The following GAB2 variants were observed in gnomAD, a reference collection of about 807,000 sequenced individuals.
The protein encoded by GAB2 is GRB2-associated-binding protein 2.
A neutral mutation model predicts 65.5 loss-of-function variants in GAB2; 26 were observed. The observed-to-expected ratio is 0.40, with a 90% CI of 0.29 to 0.55. The LOEUF is 0.55. Ranked by LOEUF, GAB2 falls within the 20% of genes least tolerant of loss-of-function variation. The probability of loss-of-function intolerance (pLI) is 0.53; values close to 1 mark genes in which losing one functional copy is unlikely to be tolerated. For synonymous variants in GAB2, 321 were observed against 329.6 expected, an observed-to-expected ratio of 0.97 and a Z score of 0.28; for missense variants, 884 against 875.8, an observed-to-expected ratio of 1.01 and a Z score of -0.12.
chr11:78,309,581 C>A (rs1346497078), intron 1 of GAB2, among the ~76,000 whole-genome samples: 3 of 151,918 alleles, frequency 2.0e-5, no homozygotes, highest in Non-Finnish European at 4.4e-5. Context: ...AGGGGATCCT[C>A]CCACCTCAGC....
At chr11:78,327,537 T>A (rs767050883) in intron 1 of GAB2, among the ~76,000 whole-genome samples, 1 of 152,032 alleles carries the variant, frequency 6.6e-6, no homozygotes, top group Non-Finnish European at 1.5e-5. Context: ...TGCACAGAGG[T>A]AGCAATATTC....
At chr11:78,341,897 C>G (rs1856102907) in intron 1 of GAB2, 10 of 985,804 alleles carry the variant, frequency 1.0e-5, no homozygotes, top group Middle Eastern at 5.2e-4. Flanking sequence ...AAGTTATCAT[C>G]TGAATGGCTA....
In GAB2 at chr11:78,225,063, C is replaced by T. The variant is rs190331807; in HGVS notation, c.1302+45G>A. The T allele has an allele frequency of 2.5e-4, 307 of 1,248,516 alleles. No homozygotes were observed. The African/African-American group carries it at 4.1e-3, about 17-fold the overall frequency. 77.3% of individuals were successfully genotyped at this position (1,248,516 alleles called of 1,614,324 possible). On this transcript the variant is annotated intron_variant, in intron 5 of 9. Transcript: ENST00000361507. ...TAATTCCATAAGGTGTGACCTTTTACCTAACCAGGCCGGCCTGAGGACCCT... is the reference window on the plus strand; with the variant it reads ...TAATTCCATAAGGTGTGACCTTTTATCTAACCAGGCCGGCCTGAGGACCCT...
chr11:78,245,992 C>A, intron 3 of GAB2, among the ~76,000 whole-genome samples: 1 of 149,346 alleles, frequency 6.7e-6, no homozygotes, highest in East Asian at 2.0e-4. Context: ...CTCGCCCAGG[C>A]TGGAGTGCAA....
At chr11:78,234,891 T>C (rs1012891160) in intron 3 of GAB2, among the ~76,000 whole-genome samples, 2 of 151,916 alleles carry the variant, frequency 1.3e-5, no homozygotes, top group South Asian at 2.1e-4. Context: ...GCGCCTGTAA[T>C]CCCAGCTACT....
At chr11:78,245,516 A>C (rs568627614) in intron 3 of GAB2, among the ~76,000 whole-genome samples, 83 of 152,324 alleles carry the variant, frequency 5.4e-4, no homozygotes, top group African/African-American at 1.9e-3. Context: ...TGAAATTAAG[A>C]AATTTCCAGA....
At chr11:78,356,796 T>C (rs1856365170) in intron 1 of GAB2, among the ~76,000 whole-genome samples, 1 of 152,232 alleles carries the variant, frequency 6.6e-6, no homozygotes, top group African/African-American at 2.4e-5. Context: ...GGTTTATAGA[T>C]ACAATGGAAT....
At chr11:78,304,368 C>G (rs186426262) in intron 1 of GAB2, among the ~76,000 whole-genome samples, 5 of 152,290 alleles carry the variant, frequency 3.3e-5, no homozygotes, top group Admixed American at 1.3e-4. Context: ...TCCATCTTCC[C>G]CTTCTTCCAT....
intron 1 of GAB2, among the ~76,000 whole-genome samples, chr11:78,384,671 T>C (rs1856743193): frequency 6.6e-6 from 1 of 152,148 alleles, no homozygotes. Context: ...GGAACAACAG[T>C]GGCCCCAGGC....
At chr11:78,341,429 T>C (rs1381368225) in intron 1 of GAB2, among the ~76,000 whole-genome samples, 6 of 152,208 alleles carry the variant, frequency 3.9e-5, no homozygotes, top group African/African-American at 7.2e-5. Flanking sequence ...TCATTGCCTT[T>C]AGATGTGCTG....
intron 1 of GAB2, among the ~76,000 whole-genome samples, chr11:78,330,443 C>T (rs1591043584): frequency 6.6e-6 from 1 of 152,236 alleles, no homozygotes; most frequent in East Asian, 1.9e-4. Flanking sequence ...AATGTTGAAC[C>T]TTACTTTGGG....
chr11:78,383,038 C>T (rs1449964298), intron 1 of GAB2, among the ~76,000 whole-genome samples: 2 of 151,288 alleles, frequency 1.3e-5, no homozygotes, highest in African/African-American at 4.9e-5. Context: ...TTTGGGAGGC[C>T]AAGGCAGGTG....
chr11:78,270,851 CTG>C (rs1221043041), intron 2 of GAB2, among the ~76,000 whole-genome samples: 1 of 152,230 alleles, frequency 6.6e-6, no homozygotes, highest in Non-Finnish European at 1.5e-5. Context: ...CCCAACAACG[CTG>C]TGAGGAGCAT....
chr11:78,266,098 C>G (rs907206927), intron 2 of GAB2, among the ~76,000 whole-genome samples: 2 of 150,194 alleles, frequency 1.3e-5, no homozygotes, highest in Non-Finnish European at 2.9e-5. Flanking sequence ...GCTTGTAATC[C>G]CAGCTACTTG....
chr11:78,226,988 T>C lies in GAB2; in HGVS notation c.684A>G (p.Gln228=), dbSNP rs539793106. 1 of 1,613,886 alleles carries C rather than the reference T, an allele frequency of 6.2e-7. No individual in the cohort carries two copies. Among genetic ancestry groups the C allele is most frequent in the East Asian group, 2.2e-5 (1 of 44,880 alleles). The part of the protein sequence containing the change: ...SFLMRSDTAV[Q]KLAQGNGHCV... Reference sequence around the variant, plus strand: ...AGTGTCCATTGCCCTGGGCAAGTTTTTGTACAGCTGTGTCACTCCTCATGA... The same window carrying C: ...AGTGTCCATTGCCCTGGGCAAGTTTCTGTACAGCTGTGTCACTCCTCATGA... The change falls in exon 4 of 10, where the codon CAA becomes CAG. Residue 228 remains glutamine, a synonymous_variant. Transcript: ENST00000361507.
In GAB2 at chr11:78,217,543, G is replaced by C. The variant is rs1186049646; in HGVS notation, c.*1729C>G. ...CCATCAAACATGGCAGGAAGTCATTGTTTGGGAGGAAGAAGTTCTGTTCGC... is the reference window on the plus strand; with the variant it reads ...CCATCAAACATGGCAGGAAGTCATTCTTTGGGAGGAAGAAGTTCTGTTCGC... On this transcript the variant is annotated 3_prime_UTR_variant, in exon 10 of 10. Transcript: ENST00000361507. 2 of 152,220 alleles carry C rather than the reference G, an allele frequency of 1.3e-5. No individual in the cohort carries two copies. Among genetic ancestry groups the C allele is most frequent in the Middle Eastern group, 3.1e-3 (1 of 318 alleles). 9.4% of individuals were successfully genotyped at this position (152,220 alleles called of 1,614,324 possible).
chr11:78,373,703 A>T (rs116111032), intron 1 of GAB2, among the ~76,000 whole-genome samples: 2,427 of 152,334 alleles, frequency 0.016, 61 homozygotes, highest in African/African-American at 0.055. Context: ...CTTAGAATAG[A>T]ACCTGGCATG....
At chr11:78,417,083 G>A (rs937590078) in intron 1 of GAB2, among the ~76,000 whole-genome samples, 1 of 152,338 alleles carries the variant, frequency 6.6e-6, no homozygotes, top group Non-Finnish European at 1.5e-5. Flanking sequence ...AAACAAATGA[G>A]TCACTTAATA....
chr11:78,242,318 C>A (rs111543758), intron 3 of GAB2, among the ~76,000 whole-genome samples: 4 of 151,840 alleles, frequency 2.6e-5, no homozygotes, highest in Non-Finnish European at 5.9e-5. Flanking sequence ...CTGGCTAACA[C>A]GGTGAAACCC....
Sources: gnomAD v4.1 joint callset for allele counts (sites outside exome capture counted in the v4.1 genomes callset) on GRCh38, gnomAD v4.1.1 for gene constraint, MANE v1.5 for transcripts, NCBI Gene and HGNC (gene_info 2026-07-23, HGNC 2026-07-21) for gene names.